Variants in TLR4 observed in about 807,000 individuals in gnomAD.
The protein encoded by TLR4 is toll-like receptor 4.
In TLR4, 17 loss-of-function variants were observed where a neutral mutation model predicts 27.4. The ratio of observed to expected loss-of-function variants is 0.62; its 90% CI spans 0.42 to 0.93. The LOEUF (loss-of-function observed/expected upper bound fraction) is 0.93, where lower values mean the gene tolerates loss of function less well. Ranked by LOEUF, TLR4 falls within the 40% of genes least tolerant of loss-of-function variation. The pLI, the probability that TLR4 is intolerant of heterozygous loss-of-function variation, is 0.00. For missense variants in TLR4, 926 were observed against 962.3 expected (o/e 0.96, Z 0.50); for synonymous variants, 363 against 365.7 (o/e 0.99, Z 0.08).
rs1165345819 is a variant in TLR4 at position 117,720,565 on chromosome 9, T to A, written c.*5917T>A. 6.6e-6 allele frequency: 1 copy of A among 152,208 alleles called. No homozygotes were observed. Among genetic ancestry groups the A allele is most frequent in the Non-Finnish European group, 1.5e-5 (1 of 68,044 alleles). 9.4% of individuals were successfully genotyped at this position (152,208 alleles called of 1,614,324 possible). On this transcript the variant is annotated 3_prime_UTR_variant, in exon 3 of 3. Coordinates refer to ENST00000355622, the MANE Select transcript of TLR4 (RefSeq NM_138554.5). ...CAGTTCTGGGAATGGCAATAAAGGT[T>A]TAGAAATGACGTGATGTTTATGAGA...
At chr9:117,710,152 G>A (rs764191769) in intron 2 of TLR4, among the ~76,000 whole-genome samples, 25 of 151,936 alleles carry the variant, frequency 1.6e-4, no homozygotes, top group Non-Finnish European at 2.6e-4. Flanking sequence ...GGGTACAATC[G>A]ATACCATCAC....
In TLR4 at chr9:117,714,105, G is replaced by A. The variant is rs776599254; in HGVS notation, c.1977G>A (p.Met659Ile). 1 of 1,614,088 alleles carries A rather than the reference G, an allele frequency of 6.2e-7. No individual in the cohort carries two copies. Among genetic ancestry groups the A allele is most frequent in the South Asian group, 1.1e-5 (1 of 91,078 alleles). Residue 659 changes from methionine (M) to isoleucine (I), a missense_variant, in exon 3 of 3, where the codon ATG (methionine) becomes ATA (isoleucine). Physicochemically the swap from Met to Ile is conservative, Grantham distance 10. Coordinates refer to ENST00000355622, the MANE Select transcript of TLR4 (RefSeq NM_138554.5). ...TCTATAAGTTCTATTTTCACCTGAT[G>A]CTTCTTGCTGGCTGCATAAAGTATG... ...VLVYKFYFHL[M>I]LLAGCIKYGR...
At chr9:117,709,381 A>G (rs1829192764) in intron 2 of TLR4, among the ~76,000 whole-genome samples, 1 of 152,168 alleles carries the variant, frequency 6.6e-6, no homozygotes, top group South Asian at 2.1e-4. Flanking sequence ...AAACTAGTGT[A>G]CAGGATAGGG....
Position 117,708,564 on chromosome 9 carries a change from T to A in TLR4, c.95T>A (p.Val32Glu). Residue 32 changes from valine to glutamate, a missense_variant and splice_region_variant, in exon 2 of 3, where the codon GTG becomes GAG. Coordinates refer to ENST00000355622, the MANE Select transcript of TLR4 (RefSeq NM_138554.5). Reference protein sequence around the residue: ...RPESWEPCVEVVPNITYQCME... With the variant: ...RPESWEPCVEEVPNITYQCME... The stretch of plus-strand genomic sequence containing the variant: ...TCATGTCATGTGTAATCATTGCAGG[T>A]GGTTCCTAATATTACTTATCAATGC... 1 of 1,613,676 alleles carries A rather than the reference T, an allele frequency of 6.2e-7. No individual in the cohort carries two copies. Among genetic ancestry groups the A allele is most frequent in the Non-Finnish European group, 8.5e-7 (1 of 1,179,712 alleles).
intron 1 of TLR4, among the ~76,000 whole-genome samples, chr9:117,704,841 G>A (rs995902248): frequency 2.0e-5 from 3 of 152,232 alleles, no homozygotes; most frequent in East Asian, 1.9e-4. Flanking sequence ...GCTCTGTGAA[G>A]AAATTATCAA....
In TLR4 at chr9:117,723,269, G is replaced by T. The variant is rs1316871136; in HGVS notation, c.*8621G>T. 1 of 152,200 alleles carries T rather than the reference G, an allele frequency of 6.6e-6. No homozygotes were observed. Among genetic ancestry groups the T allele is most frequent in the Non-Finnish European group, 1.5e-5 (1 of 68,044 alleles). 9.4% of individuals were successfully genotyped at this position (152,200 alleles called of 1,614,324 possible). A position where few individuals can be genotyped will look rare whatever the true frequency, so the allele number is the denominator to read the frequency against. On this transcript the variant is annotated 3_prime_UTR_variant, in exon 3 of 3. Coordinates refer to ENST00000355622, the MANE Select transcript of TLR4 (RefSeq NM_138554.5). ...ACCTGATGATGCTATATCAAAACGGGAGACTCATTCGTCAAGTCATGATGT... is the reference window on the plus strand; with the variant it reads ...ACCTGATGATGCTATATCAAAACGGTAGACTCATTCGTCAAGTCATGATGT...
Position 117,713,884 on chromosome 9 carries a change from G to C in TLR4, c.1756G>C (p.Glu586Gln), listed in dbSNP as rs1829290129. The C allele has an allele frequency of 3.1e-6, 5 of 1,613,816 alleles. No individual in the cohort carries two copies. The South Asian group carries it at 5.5e-5, about 18-fold the overall frequency. ...TCAGAATGACTTTGCTTGTACTTGT[G>C]AACACCAGAGTTTCCTGCAATGGAT... ...LTQNDFACTC[E>Q]HQSFLQWIKD... Residue 586 changes from glutamate (E) to glutamine (Q), a missense_variant, in exon 3 of 3, where the codon GAA (glutamate) becomes CAA (glutamine). Physicochemically the swap from Glu to Gln is conservative, Grantham distance 29 (BLOSUM62 2). Coordinates refer to ENST00000355622, the MANE Select transcript of TLR4 (RefSeq NM_138554.5).
At chr9:117,707,182 G>T (rs1156647907) in intron 1 of TLR4, among the ~76,000 whole-genome samples, 2 of 152,182 alleles carry the variant, frequency 1.3e-5, no homozygotes, top group African/African-American at 4.8e-5. Flanking sequence ...AAGAAAGAGT[G>T]CCTGGCACTG....
chr9:117,721,603 G>A lies in TLR4; in HGVS notation c.*6955G>A, dbSNP rs1829423618. 6.6e-6 allele frequency: 1 copy of A among 152,124 alleles called. No homozygotes were observed. The highest frequency in any genetic ancestry group is 1.5e-5 in the Non-Finnish European group (1 of 68,024). 9.4% of individuals were successfully genotyped at this position (152,124 alleles called of 1,614,324 possible). A position where few individuals can be genotyped will look rare whatever the true frequency, so the allele number is the denominator to read the frequency against. On this transcript the variant is annotated 3_prime_UTR_variant, in exon 3 of 3. Coordinates refer to ENST00000355622, the MANE Select transcript of TLR4 (RefSeq NM_138554.5). ...AGAATCACTTAATGACTTTCATTCTGCTATCTATGTGTCTGTGTATCTAGG... is the reference window on the plus strand; with the variant it reads ...AGAATCACTTAATGACTTTCATTCTACTATCTATGTGTCTGTGTATCTAGG...
chr9:117,719,248 T>A lies in TLR4; in HGVS notation c.*4600T>A, dbSNP rs866970902. 1 of 152,206 alleles carries A rather than the reference T, an allele frequency of 6.6e-6. No individual in the cohort carries two copies. The highest frequency in any genetic ancestry group is 2.4e-5 in the African/African-American group (1 of 41,454). 9.4% of individuals were successfully genotyped at this position (152,206 alleles called of 1,614,324 possible). A position where few individuals can be genotyped will look rare whatever the true frequency, so the allele number is the denominator to read the frequency against. On this transcript the variant is annotated 3_prime_UTR_variant, in exon 3 of 3. Transcript: ENST00000355622. ...AAGGGCTTTATTTGTGCTATCTCAG[T>A]TTGTCACATCAATGAATTAGAAAGA... is the stretch of plus-strand genomic sequence containing the variant.
rs1306731158 is a variant in TLR4 at position 117,723,779 on chromosome 9, AG to A, written c.*9132del. Reference sequence around the variant, plus strand: ...TCAGTTTTAATTATCTTAAAGGAGAAGAATACAGTTTCTCTAAACTCAAGCA... The same window carrying A: ...TCAGTTTTAATTATCTTAAAGGAGAAAATACAGTTTCTCTAAACTCAAGCA... On this transcript the variant is annotated 3_prime_UTR_variant, in exon 3 of 3. Transcript: ENST00000355622. The A allele has an allele frequency of 6.6e-6, 1 of 152,204 alleles. No homozygotes were observed. Among genetic ancestry groups the A allele is most frequent in the Non-Finnish European group, 1.5e-5 (1 of 68,048 alleles). The allele number at this position is 152,204 out of a possible 1,614,324, so 9.4% of individuals were successfully genotyped here. A position where few individuals can be genotyped will look rare whatever the true frequency, so the allele number is the denominator to read the frequency against.
rs1474319970 is a variant in TLR4, at chr9:117,714,261, CTT to C, written c.2135_2136del (p.Phe712TyrfsTer13). 6.3e-7 allele frequency: 1 copy of C among 1,598,406 alleles called. No homozygotes were observed. Among genetic ancestry groups the C allele is most frequent in the Admixed American group, 1.7e-5 (1 of 59,390 alleles). On this transcript the variant is annotated frameshift_variant, in exon 3 of 3. Transcript: ENST00000355622. LOFTEE classifies it high-confidence loss of function. Reference protein sequence around the residue: ...PFQLCLHYRDFIPGVAIAANI... With the variant: ...PFQLCLHYRDXIPGVAIAANI... ...TTCAGCTCTGCCTTCACTACAGAGA[CTT>C]TATTCCCGGTGTGGCCATTGCTGCC...
intron 1 of TLR4, among the ~76,000 whole-genome samples, chr9:117,706,525 C>T (rs939958481): frequency 1.2e-4 from 19 of 152,260 alleles, no homozygotes; most frequent in Non-Finnish European, 2.1e-4. Flanking sequence ...ATAATTGCTG[C>T]AGGACAAAGT....
rs915476057 is a variant in TLR4 at position 117,723,467 on chromosome 9, G to A, written c.*8819G>A. The A allele has an allele frequency of 1.3e-5, 2 of 152,108 alleles. No individual in the cohort carries two copies. Among genetic ancestry groups the A allele is most frequent in the African/African-American group, 4.8e-5 (2 of 41,420 alleles). The allele number at this position is 152,108 out of a possible 1,614,324, so 9.4% of individuals were successfully genotyped here. On this transcript the variant is annotated 3_prime_UTR_variant, in exon 3 of 3. Coordinates refer to ENST00000355622, the MANE Select transcript of TLR4 (RefSeq NM_138554.5). ...AATCTCTTGATCTCTTTGCTCTTTGGTCTCTGTTTATCTATGAGATAACGT... is the reference window on the plus strand; with the variant it reads ...AATCTCTTGATCTCTTTGCTCTTTGATCTCTGTTTATCTATGAGATAACGT...
chr9:117,712,932 C>G lies in TLR4; in HGVS notation c.804C>G (p.Asn268Lys), dbSNP rs772243015. 11 of 1,613,952 alleles carry G rather than the reference C, an allele frequency of 6.8e-6. No individual in the cohort carries two copies. The highest frequency in any genetic ancestry group is 1.1e-5 in the South Asian group (1 of 91,088). ...LVLGEFRNEG[N>K]LEKFDKSALE... ...TGGGAGAATTTAGAAATGAAGGAAA[C>G]TTGGAAAAGTTTGACAAATCTGCTC... The change falls in exon 3 of 3, where the codon AAC becomes AAG. Residue 268 changes from asparagine to lysine, a missense_variant. Physicochemically the swap from Asn to Lys is moderately conservative, Grantham distance 94 (BLOSUM62 0). Transcript: ENST00000355622.
chr9:117,710,753 A>T (rs750317525), intron 2 of TLR4, among the ~76,000 whole-genome samples: 1 of 152,046 alleles, frequency 6.6e-6, no homozygotes, highest in Non-Finnish European at 1.5e-5. Context: ...AAATATATAT[A>T]TATTTCTTTT....
In TLR4 at chr9:117,720,659, A is replaced by G. The variant is rs913470260; in HGVS notation, c.*6011A>G. 12 of 152,214 alleles carry G rather than the reference A, an allele frequency of 7.9e-5. 1 individual carries two copies. Among genetic ancestry groups the G allele is most frequent in the Admixed American group, 7.2e-4 (11 of 15,274 alleles). 9.4% of individuals were successfully genotyped at this position (152,214 alleles called of 1,614,324 possible). On this transcript the variant is annotated 3_prime_UTR_variant, in exon 3 of 3. Transcript: ENST00000355622. ...TTGTGTTGTATGCTCCTAGGAAACT[A>G]TCTCACTATGTAATTAAATCAAAAC...
intron 1 of TLR4, among the ~76,000 whole-genome samples, chr9:117,707,432 C>A (rs1035434464): frequency 6.6e-6 from 1 of 152,166 alleles, no homozygotes; most frequent in African/African-American, 2.4e-5. Flanking sequence ...ATGTTGACAT[C>A]TATTGATCAC....
intron 1 of TLR4, among the ~76,000 whole-genome samples, chr9:117,705,364 C>T (rs1169198635): frequency 3.3e-5 from 5 of 152,190 alleles, no homozygotes; most frequent in Non-Finnish European, 5.9e-5. Flanking sequence ...AAGCCAGCTG[C>T]AGTCCTGAAG....
Sources: allele counts gnomAD v4.1 joint callset (sites outside exome capture counted in the v4.1 genomes callset), GRCh38; gene constraint gnomAD v4.1.1; transcripts MANE v1.5; gene names NCBI Gene and HGNC (gene_info 2026-07-23, HGNC 2026-07-21).